MVB12B: variants seen among roughly 807,000 people sequenced by gnomAD.
MVB12B encodes multivesicular body subunit 12B.
A neutral mutation model predicts 41.6 loss-of-function variants in MVB12B; 16 were observed. The observed-to-expected ratio is 0.38, with a 90% CI of 0.26 to 0.58. The LOEUF is 0.58. Among genes scored for constraint, MVB12B ranks in the 20% least tolerant of loss-of-function variants. MVB12B has a pLI of 0.62. For synonymous variants in MVB12B, 133 were observed against 139.7 expected (o/e 0.95, Z 0.34); for missense variants, 274 against 380.2 (o/e 0.72, Z 2.32).
intron 7 of MVB12B, among the ~76,000 whole-genome samples, chr9:126,453,615 G>A (rs1170213551): frequency 3.3e-5 from 5 of 152,116 alleles, no homozygotes; most frequent in Non-Finnish European, 7.4e-5. Flanking sequence ...AGGCTCTTGC[G>A]GTTTCTTTCT....
chr9:126,466,247 G>A (rs1480925657), intron 7 of MVB12B, among the ~76,000 whole-genome samples: 1 of 152,202 alleles, frequency 6.6e-6, no homozygotes, highest in Non-Finnish European at 1.5e-5. Flanking sequence ...TGCCTTACCT[G>A]GGGATGCTCG....
At chr9:126,490,860 T>C (rs1833716837) in intron 9 of MVB12B, among the ~76,000 whole-genome samples, 1 of 152,124 alleles carries the variant, frequency 6.6e-6, no homozygotes, top group Non-Finnish European at 1.5e-5. Flanking sequence ...AAGAGTGTAG[T>C]CACGTGGAAT....
chr9:126,491,477 G>A (rs943002545), intron 9 of MVB12B, among the ~76,000 whole-genome samples: 1 of 152,154 alleles, frequency 6.6e-6, no homozygotes, highest in African/African-American at 2.4e-5. Context: ...CGGTCCCTTT[G>A]CACCATCTAG....
chr9:126,476,605 G>C (rs750263717), intron 7 of MVB12B, among the ~76,000 whole-genome samples: 1 of 152,096 alleles, frequency 6.6e-6, no homozygotes, highest in African/African-American at 2.4e-5. Flanking sequence ...TGCCGGTCGC[G>C]GTGGCTCACG....
In MVB12B at chr9:126,340,695, C is replaced by G. The variant is rs1343803864; in HGVS notation, c.204+65C>G. The G allele has an allele frequency of 1.3e-6, 2 of 1,575,740 alleles. No homozygotes were observed. Among genetic ancestry groups the G allele is most frequent in the African/African-American group, 2.7e-5 (2 of 74,072 alleles). On this transcript the variant is annotated intron_variant, in intron 2 of 9. Coordinates refer to ENST00000361171, the MANE Select transcript of MVB12B (RefSeq NM_033446.3). The surrounding 1 kb of genome is among the most constrained non-coding windows in gnomAD (Gnocchi z 4.0). ...TCTACAAGTATTTATCTCCTGTGTC[C>G]AAGACCTTCTGGCCCTTGCGTGTAA...
At chr9:126,375,534 T>C (rs1489578320) in intron 2 of MVB12B, among the ~76,000 whole-genome samples, 2 of 152,208 alleles carry the variant, frequency 1.3e-5, no homozygotes, top group East Asian at 3.9e-4. Context: ...TGCCCTGACG[T>C]CTCTTCCTTT....
chr9:126,399,504 G>T (rs1831209530), intron 6 of MVB12B, among the ~76,000 whole-genome samples: 1 of 152,218 alleles, frequency 6.6e-6, no homozygotes, highest in African/African-American at 2.4e-5. Flanking sequence ...GCTGTCTGGG[G>T]CAGGGGGCCA....
intron 2 of MVB12B, among the ~76,000 whole-genome samples, chr9:126,347,823 A>G (rs528814006): frequency 6.6e-6 from 1 of 152,382 alleles, no homozygotes; most frequent in South Asian, 2.1e-4. Context: ...GGACATTGGC[A>G]TATCCCGTCT....
intron 9 of MVB12B, among the ~76,000 whole-genome samples, chr9:126,499,398 G>A (rs1002793787): frequency 6.6e-6 from 1 of 152,174 alleles, no homozygotes; most frequent in Non-Finnish European, 1.5e-5. Context: ...CAGCTGGACC[G>A]GGCTGTGCGG....
intron 6 of MVB12B, among the ~76,000 whole-genome samples, chr9:126,402,781 T>G (rs4836537): frequency 0.12 from 18,922 of 152,316 alleles, 1,578 homozygotes; most frequent in East Asian, 0.38. Flanking sequence ...GATTTCCTCT[T>G]CCTTCACACT....
intron 9 of MVB12B, among the ~76,000 whole-genome samples, chr9:126,493,253 G>A (rs1199869585): frequency 6.6e-6 from 1 of 151,946 alleles, no homozygotes; most frequent in East Asian, 1.9e-4. Context: ...TTATTAGAAG[G>A]TAAGAACTAC....
chr9:126,477,884 G>A (rs1167432085), intron 7 of MVB12B, among the ~76,000 whole-genome samples: 1 of 152,208 alleles, frequency 6.6e-6, no homozygotes, highest in East Asian at 1.9e-4. Context: ...AGGCAAGAGC[G>A]CAGCGTGACA....
chr9:126,416,553 A>G (rs1166446541), intron 6 of MVB12B, among the ~76,000 whole-genome samples: 1 of 152,208 alleles, frequency 6.6e-6, no homozygotes, highest in Non-Finnish European at 1.5e-5. Context: ...AAGGGCCTTC[A>G]GGAGGGACCC....
intron 6 of MVB12B, among the ~76,000 whole-genome samples, chr9:126,416,390 G>A (rs547223996): frequency 5.1e-4 from 77 of 152,268 alleles, no homozygotes; most frequent in African/African-American, 1.7e-3. Flanking sequence ...GCGGACTCGG[G>A]GGCACTGCCC....
chr9:126,494,871 C>CT (rs371139080), intron 9 of MVB12B, among the ~76,000 whole-genome samples: 41 of 151,590 alleles, frequency 2.7e-4, no homozygotes, highest in African/African-American at 9.0e-4. Context: ...GCACCCCACC[C>CT]CCCCCCAGGG....
chr9:126,381,276 T>A (rs1830627626), intron 3 of MVB12B, 105 bp downstream of exon 3: 3 of 789,328 alleles, frequency 3.8e-6, no homozygotes, highest in Non-Finnish European at 6.3e-6. Flanking sequence ...TTCATTGCCA[T>A]ATTAATTTAT....
chr9:126,499,358 C>A (rs1388846531), intron 9 of MVB12B, among the ~76,000 whole-genome samples: 1 of 152,142 alleles, frequency 6.6e-6, no homozygotes, highest in Non-Finnish European at 1.5e-5. Context: ...GCGGCCTGTG[C>A]CCACCAGAGG....
At chr9:126,461,712 G>A (rs939500150) in intron 7 of MVB12B, among the ~76,000 whole-genome samples, 3 of 152,184 alleles carry the variant, frequency 2.0e-5, no homozygotes, top group African/African-American at 7.2e-5. Flanking sequence ...GTGGAGAGCC[G>A]TAAACCGAGA....
chr9:126,432,070 C>G (rs931472273), intron 7 of MVB12B, among the ~76,000 whole-genome samples: 2 of 152,192 alleles, frequency 1.3e-5, no homozygotes, highest in Non-Finnish European at 2.9e-5. Context: ...TGCCCCTGGA[C>G]TTCACAGACA....
Sources: allele counts gnomAD v4.1 joint callset (sites outside exome capture counted in the v4.1 genomes callset), GRCh38; gene constraint gnomAD v4.1.1; non-coding constraint Gnocchi (gnomAD v3.1); transcripts MANE v1.5; gene names NCBI Gene and HGNC (gene_info 2026-07-23, HGNC 2026-07-21).